The following TMEM165 variants were observed in gnomAD, a reference collection of about 807,000 sequenced individuals.
TMEM165 encodes the protein putative divalent cation/proton antiporter TMEM165.
A neutral mutation model predicts 30.0 loss-of-function variants in TMEM165; 19 were observed. The ratio of observed to expected loss-of-function variants is 0.63; its 90% CI spans 0.44 to 0.93. The LOEUF is 0.93. Ranked by LOEUF, TMEM165 falls within the 40% of genes least tolerant of loss-of-function variation. TMEM165 has a pLI of 0.00. For missense variants in TMEM165, 340 were observed against 417.0 expected, an observed-to-expected ratio of 0.82 and a Z score of 1.61; for synonymous variants, 168 against 162.9, an observed-to-expected ratio of 1.03 and a Z score of -0.24.
chr4:55,448,601 C>CGTGTGTGTGT (rs3034980), intron 3 of TMEM165, among the ~76,000 whole-genome samples: 7 of 117,036 alleles, frequency 6.0e-5, no homozygotes, highest in Non-Finnish European at 1.3e-4. Context: ...CGCACGCGCG[C>CGTGTGTGTGT]GTGTGTGTGT....
chr4:55,400,278 A>T (rs1164913593), intron 1 of TMEM165, among the ~76,000 whole-genome samples: 9 of 106,946 alleles, frequency 8.4e-5, no homozygotes, highest in East Asian at 6.7e-4. Context: ...ATATAATATA[A>T]TATTATATAT....
chr4:55,442,557 T>C (rs1242778616), intron 3 of TMEM165: 1 of 1,611,230 alleles, frequency 6.2e-7, no homozygotes, highest in Admixed American at 1.7e-5. Flanking sequence ...TGTTATACAG[T>C]GGGGCTGTAA....
intron 4 of TMEM165, chr4:55,423,688 G>A (rs544625487): frequency 6.5e-6 from 1 of 152,980 alleles, no homozygotes; most frequent in Admixed American, 6.5e-5. Context: ...CTCCCAAAGT[G>A]TTGGGATTAC....
downstream of TMEM165, among the ~76,000 whole-genome samples, chr4:55,426,665 G>A (rs1172746362): frequency 6.6e-6 from 1 of 152,184 alleles, no homozygotes; most frequent in Non-Finnish European, 1.5e-5. Context: ...GGTATAATAG[G>A]AGACCCAGAG....
At chr4:55,398,733 G>A (rs1193555786) in intron 1 of TMEM165, among the ~76,000 whole-genome samples, 1 of 152,150 alleles carries the variant, frequency 6.6e-6, no homozygotes, top group African/African-American at 2.4e-5. Flanking sequence ...TTACTCATCT[G>A]TCTATTCCAG....
At chr4:55,448,619 TGTGTGTGTG>T (rs1560421439) in intron 3 of TMEM165, among the ~76,000 whole-genome samples, 1 of 150,346 alleles carries the variant, frequency 6.7e-6, no homozygotes, top group African/African-American at 2.4e-5. Context: ...TGTGTGTGTG[TGTGTGTGTG>T]TGTGTGTGTG....
chr4:55,406,614 A>G (rs1187704458), intron 1 of TMEM165, among the ~76,000 whole-genome samples: 1 of 152,158 alleles, frequency 6.6e-6, no homozygotes, highest in African/African-American at 2.4e-5. Flanking sequence ...ATGTGGATCT[A>G]CCATTTATTT....
At chr4:55,449,350 CT>C in intron 3 of TMEM165, 2 of 1,490,824 alleles carry the variant, frequency 1.3e-6, no homozygotes, top group Middle Eastern at 1.7e-4. Context: ...CATTTTTCCC[CT>C]CTTAATAAAT....
rs568365591 is a variant in TMEM165, at chr4:55,417,394, C to T, written c.609+147C>T. ...TGCTTTGTTCTGTTCTTATACCTGT[C>T]TGTGATCTGACTTGGGGTTGGTGTG... On this transcript the variant is annotated intron_variant, in intron 3 of 5. Transcript: ENST00000381334. 1.4e-5 allele frequency: 11 copies of T among 796,498 alleles called. No individual in the cohort carries two copies. In the Admixed American group the frequency reaches 1.6e-4, roughly 12 times the overall value. 49.3% of individuals were successfully genotyped at this position (796,498 alleles called of 1,614,324 possible).
At chr4:55,412,865 G>A (rs1721566089) in intron 2 of TMEM165, 1 of 152,042 alleles carries the variant, frequency 6.6e-6, no homozygotes, top group African/African-American at 2.4e-5. Context: ...TCTATGAATT[G>A]AGTTGTTATA....
intron 4 of TMEM165, among the ~76,000 whole-genome samples, chr4:55,419,982 G>C (rs937289618): frequency 6.6e-6 from 1 of 150,478 alleles, no homozygotes. Flanking sequence ...TGTAATCCTA[G>C]CTGCTAGAGA....
intron 1 of TMEM165, among the ~76,000 whole-genome samples, chr4:55,408,742 A>G (rs1721372619): frequency 6.6e-6 from 1 of 152,126 alleles, no homozygotes; most frequent in South Asian, 2.1e-4. Flanking sequence ...TTTGATCACT[A>G]TTGTGTTTGA....
At chr4:55,399,664 T>C (rs1225304254) in intron 1 of TMEM165, among the ~76,000 whole-genome samples, 1 of 152,182 alleles carries the variant, frequency 6.6e-6, no homozygotes, top group Non-Finnish European at 1.5e-5. Flanking sequence ...AATGCCACAG[T>C]GGTAGAAACA....
intron 3 of TMEM165, chr4:55,444,768 T>C (rs756941305): frequency 6.2e-7 from 1 of 1,614,064 alleles, no homozygotes; most frequent in African/African-American, 1.3e-5. Flanking sequence ...TGGCTCCTAA[T>C]TGAGCTGAAA....
At chr4:55,400,013 CTT>C (rs766230688) in intron 1 of TMEM165, among the ~76,000 whole-genome samples, 8 of 129,734 alleles carry the variant, frequency 6.2e-5, no homozygotes, top group Non-Finnish European at 9.9e-5. Context: ...TCTTTTCTTC[CTT>C]TTTTTTTTTT....
chr4:55,442,240 G>C, intron 3 of TMEM165: 1 of 584,220 alleles, frequency 1.7e-6, no homozygotes, highest in Non-Finnish European at 3.0e-6. Flanking sequence ...AAAAAAATTT[G>C]TTGTTACCCT....
chr4:55,404,281 C>T (rs1235254592), intron 1 of TMEM165, among the ~76,000 whole-genome samples: 3 of 152,004 alleles, frequency 2.0e-5, no homozygotes, highest in African/African-American at 7.2e-5. Context: ...TCCCAAAGTG[C>T]TGGGATGACA....
At chr4:55,429,372 A>G (rs1051271760), downstream of TMEM165, 1 of 152,200 alleles carries the variant, frequency 6.6e-6, no homozygotes, top group Non-Finnish European at 1.5e-5. Context: ...TGAGTCCTAA[A>G]GTGGAGGATT....
chr4:55,411,477 C>T (rs1721494056), intron 1 of TMEM165, 137 bp from the exon 2 acceptor site: 2 of 748,010 alleles, frequency 2.7e-6, no homozygotes, highest in Non-Finnish European at 4.4e-6. Context: ...TTACTGATGG[C>T]TTTCAGAGTG....
Sources: gnomAD v4.1 joint callset for allele counts (sites outside exome capture counted in the v4.1 genomes callset) on GRCh38, gnomAD v4.1.1 for gene constraint, MANE v1.5 for transcripts, NCBI Gene and HGNC (gene_info 2026-07-23, HGNC 2026-07-21) for gene names.